Variants in FUT8 observed in about 807,000 individuals in gnomAD.
FUT8 encodes alpha-(1,6)-fucosyltransferase.
A neutral mutation model predicts 71.3 loss-of-function variants in FUT8; 29 were observed. The observed-to-expected ratio is 0.41, with a 90% CI of 0.30 to 0.55. The LOEUF is 0.55. Among genes scored for constraint, FUT8 ranks in the 20% least tolerant of loss-of-function variants. FUT8 has a pLI of 0.34. For synonymous variants in FUT8, 254 were observed against 239.3 expected, an observed-to-expected ratio of 1.06 and a Z score of -0.57; for missense variants, 544 against 702.1, an observed-to-expected ratio of 0.77 and a Z score of 2.55.
chr14:65,739,304 G>T (rs1475797602), intron 10 of FUT8, among the ~76,000 whole-genome samples: 1 of 152,032 alleles, frequency 6.6e-6, no homozygotes, highest in Non-Finnish European at 1.5e-5. Flanking sequence ...GAGGCCTACA[G>T]TCACATTTGT....
intron 1 of FUT8, among the ~76,000 whole-genome samples, chr14:65,443,937 CT>C (rs2065700335): frequency 6.6e-6 from 1 of 152,000 alleles, no homozygotes; most frequent in African/African-American, 2.4e-5. Flanking sequence ...ACTTGACAAG[CT>C]TTTTAATGTT....
At chr14:65,629,443 G>A (rs1196832115) in intron 5 of FUT8, 49 bp from the exon 6 acceptor site, 7 of 1,175,674 alleles carry the variant, frequency 6.0e-6, no homozygotes, top group South Asian at 1.3e-5. Flanking sequence ...GTGTAATCCA[G>A]TGAAGCAGTA....
At chr14:65,691,147 T>C (rs1163827422) in intron 7 of FUT8, among the ~76,000 whole-genome samples, 2 of 151,308 alleles carry the variant, frequency 1.3e-5, no homozygotes, top group Admixed American at 1.3e-4. Context: ...AGTTGCCAAC[T>C]CTTGGGATTT....
At chr14:65,703,585 A>G (rs1478443703) in intron 7 of FUT8, among the ~76,000 whole-genome samples, 1 of 151,980 alleles carries the variant, frequency 6.6e-6, no homozygotes, top group Non-Finnish European at 1.5e-5. Context: ...CAGTGACAGT[A>G]GCAGCTGTGG....
chr14:65,474,441 GAAA>G (rs398025445), intron 2 of FUT8, among the ~76,000 whole-genome samples: 2 of 39,698 alleles, frequency 5.0e-5, no homozygotes, highest in Non-Finnish European at 9.3e-5. Flanking sequence ...TGTCTCTACT[GAAA>G]AAAAAAAAAA....
In FUT8 at chr14:65,663,586, A is replaced by T. The variant is rs1892072359; in HGVS notation, c.598-5657A>T. Among the ~76,000 whole-genome samples the T allele has an allele frequency of 5.3e-5, 8 of 152,222 alleles. No individual in the cohort carries two copies. In the South Asian group the frequency reaches 1.7e-3, roughly 32 times the overall value. ...TTAATTTACTGTTATCAGTACAGTCATTCATTTTCTCGTATCACCCTTCAA... is the reference window on the plus strand; with the variant it reads ...TTAATTTACTGTTATCAGTACAGTCTTTCATTTTCTCGTATCACCCTTCAA... On this transcript the variant is annotated intron_variant, in intron 6 of 10. Transcript: ENST00000673929.
At chr14:65,679,092 T>A (rs1892906887) in intron 7 of FUT8, among the ~76,000 whole-genome samples, 1 of 152,202 alleles carries the variant, frequency 6.6e-6, no homozygotes, top group Admixed American at 6.5e-5. Flanking sequence ...AAGTAGTTGA[T>A]GAAAGAGTAA....
At chr14:65,612,094 G>A (rs1889031726) in intron 3 of FUT8, among the ~76,000 whole-genome samples, 1 of 152,090 alleles carries the variant, frequency 6.6e-6, no homozygotes, top group Admixed American at 6.5e-5. Context: ...TTGATAGATT[G>A]ATTTCACTCT....
chr14:65,567,516 CTT>C (rs1886258222), intron 3 of FUT8, among the ~76,000 whole-genome samples: 1 of 151,912 alleles, frequency 6.6e-6, no homozygotes, highest in Non-Finnish European at 1.5e-5. Context: ...TCTAGACCGT[CTT>C]CTCTATAACT....
intron 7 of FUT8, among the ~76,000 whole-genome samples, chr14:65,688,172 T>C (rs1398855780): frequency 1.3e-5 from 2 of 152,198 alleles, no homozygotes; most frequent in South Asian, 2.1e-4. Context: ...AAATGCATAA[T>C]GTCATTTATT....
At chr14:65,424,539 C>CTTTTTTTTTTTTTTTTTTTTTTTTTTTT (rs796843891) in intron 1 of FUT8, among the ~76,000 whole-genome samples, 1 of 125,424 alleles carries the variant, frequency 8.0e-6, no homozygotes, top group Admixed American at 8.0e-5. Flanking sequence ...CTTTTCTTTT[C>CTTTTTTTTTTTTTTTTTTTTTTTTTTTT]TTTTTTTTTT....
intron 1 of FUT8, among the ~76,000 whole-genome samples, chr14:65,438,230 C>T (rs1265273702): frequency 3.9e-5 from 6 of 151,960 alleles, no homozygotes; most frequent in Non-Finnish European, 7.4e-5. Context: ...CTTCATCTGC[C>T]TTTCTTGTCT....
rs138864973 is a variant in FUT8 at position 65,483,267 on chromosome 14, C to T, written c.-228+27549C>T. Among the ~76,000 whole-genome samples the T allele has an allele frequency of 3.3e-5, 5 of 152,248 alleles. No homozygotes were observed. The highest frequency in any genetic ancestry group is 9.6e-5 in the African/African-American group (4 of 41,538). On this transcript the variant is annotated intron_variant, in intron 2 of 10. Coordinates refer to ENST00000673929, the MANE Select transcript of FUT8 (RefSeq NM_001371533.1). The surrounding 1 kb of genome is among the most constrained non-coding windows in gnomAD (Gnocchi z 4.4). ...TCTCAGCCCTGGGATGGTTTAGGGT[C>T]GGAGGAAGCTCTTGCCTTGGTGTTC...
chr14:65,601,803 T>A, intron 3 of FUT8, among the ~76,000 whole-genome samples: 1 of 152,128 alleles, frequency 6.6e-6, no homozygotes, highest in East Asian at 1.9e-4. Context: ...TATTAACGCG[T>A]TTCTGCTGTT....
chr14:65,644,179 A>G (rs1176603009), intron 6 of FUT8, among the ~76,000 whole-genome samples: 1 of 152,204 alleles, frequency 6.6e-6, no homozygotes, highest in Non-Finnish European at 1.5e-5. Flanking sequence ...GCAGAGGCAG[A>G]TTCAGGTTTG....
At position 65,439,954 on chromosome 14, in the gene FUT8, G is replaced by GTATACGTATATATATATATATA. The variant is rs1555360999; in HGVS notation, c.-325-15663_-325-15662insCGTATATATATATATATATATA. On this transcript the variant is annotated intron_variant, in intron 1 of 10. Coordinates refer to ENST00000673929, the MANE Select transcript of FUT8 (RefSeq NM_001371533.1). ...ATAAAGAAAATGTGTGTGTGTGTGT[G>GTATACGTATATATATATATATA]TATATATATATATATATATATATAT... 4.4e-4 allele frequency among the ~76,000 whole-genome samples: 33 copies of GTATACGTATATATATATATATA among 74,972 alleles called. 1 individual carries two copies. Among genetic ancestry groups the GTATACGTATATATATATATATA allele is most frequent in the Non-Finnish European group, 6.0e-4 (24 of 40,288 alleles). 49.2% of individuals were successfully genotyped at this position (74,972 alleles called of 152,430 possible). A position where few individuals can be genotyped will look rare whatever the true frequency, so the allele number is the denominator to read the frequency against.
chr14:65,559,942 C>T (rs1885814357), intron 2 of FUT8, among the ~76,000 whole-genome samples: 1 of 152,108 alleles, frequency 6.6e-6, no homozygotes, highest in Non-Finnish European at 1.5e-5. Flanking sequence ...GGTTTTCAAA[C>T]AGTTCTCAGC....
chr14:65,622,911 T>TTTTG (rs1279824367), intron 5 of FUT8, among the ~76,000 whole-genome samples: 1 of 15,162 alleles, frequency 6.6e-5, no homozygotes, highest in Non-Finnish European at 1.4e-4. Flanking sequence ...AGCTTCTCTG[T>TTTTG]TTTTTTTTTT....
At chr14:65,528,069 T>C (rs758544194) in intron 2 of FUT8, among the ~76,000 whole-genome samples, 8 of 152,210 alleles carry the variant, frequency 5.3e-5, no homozygotes, top group Non-Finnish European at 1.0e-4. Flanking sequence ...ACTACTCTCT[T>C]CAAAGCTGTC....
Sources: allele counts gnomAD v4.1 joint callset (sites outside exome capture counted in the v4.1 genomes callset), GRCh38; gene constraint gnomAD v4.1.1; non-coding constraint Gnocchi (gnomAD v3.1); transcripts MANE v1.5; gene names NCBI Gene and HGNC (gene_info 2026-07-23, HGNC 2026-07-21).